Variants in ATOSA observed in about 807,000 individuals in gnomAD.
ATOSA encodes the protein atos homolog A.
chr15:52,604,139 T>C, the ATOSA span, among the ~76,000 whole-genome samples: 2 of 152,320 alleles, frequency 1.3e-5, no homozygotes, highest in East Asian at 1.9e-4. Flanking sequence ...TGAAAAAACA[T>C]GGCCGGGCGC....
At chr15:52,582,430 T>C in the ATOSA span, 1 of 747,952 alleles carries the variant, frequency 1.3e-6, no homozygotes, top group African/African-American at 1.9e-5. Context: ...CACTAACTCT[T>C]TAACATGATA....
At chr15:52,599,439 G>A in the ATOSA span, among the ~76,000 whole-genome samples, 28 of 151,968 alleles carry the variant, frequency 1.8e-4, 1 homozygote, top group Admixed American at 1.8e-3. Context: ...TAAAGCAAAT[G>A]GTTAATATAT....
chr15:52,635,321 T>C, the ATOSA span, among the ~76,000 whole-genome samples: 1 of 152,214 alleles, frequency 6.6e-6, no homozygotes, highest in Non-Finnish European at 1.5e-5. Flanking sequence ...AAGCAGAATG[T>C]AGATCCTTAC....
chr15:52,672,155 A>G, the ATOSA span, among the ~76,000 whole-genome samples: 2 of 99,634 alleles, frequency 2.0e-5, no homozygotes, highest in African/African-American at 7.2e-5. Flanking sequence ...TGGGCAACAT[A>G]GTGAGACCCC....
the ATOSA span, among the ~76,000 whole-genome samples, chr15:52,601,517 C>T: frequency 7.1e-6 from 1 of 141,386 alleles, no homozygotes; most frequent in Non-Finnish European, 1.5e-5. Context: ...GAAACACTTC[C>T]AACTTAAAAA....
At chr15:52,652,145 ACAGCTT>A in the ATOSA span, 1 of 1,152,340 alleles carries the variant, frequency 8.7e-7, no homozygotes, top group Non-Finnish European at 1.1e-6. Context: ...TAGGTCCACT[ACAGCTT>A]CCTGTCTACT....
chr15:52,619,325 A>G, the ATOSA span, among the ~76,000 whole-genome samples: 1 of 152,230 alleles, frequency 6.6e-6, no homozygotes, highest in Non-Finnish European at 1.5e-5. Flanking sequence ...TAAACACAAC[A>G]GCAAAGTTTA....
the ATOSA span, among the ~76,000 whole-genome samples, chr15:52,655,447 C>T: frequency 6.6e-6 from 1 of 152,128 alleles, no homozygotes; most frequent in Non-Finnish European, 1.5e-5. Context: ...TTCACTACTT[C>T]ATGATCACAG....
At chr15:52,611,714 T>C in the ATOSA span, 4 of 1,613,928 alleles carry the variant, frequency 2.5e-6, no homozygotes, top group African/African-American at 1.3e-5. Context: ...ATTTCCACCA[T>C]GATTGGAAGG....
chr15:52,683,809 TC>T, the ATOSA span, among the ~76,000 whole-genome samples: 1 of 152,214 alleles, frequency 6.6e-6, no homozygotes, highest in South Asian at 2.1e-4. Context: ...TCTCTTAGTT[TC>T]ATTTTCCACC....
chr15:52,675,330 A>G, the ATOSA span, among the ~76,000 whole-genome samples: 5 of 152,164 alleles, frequency 3.3e-5, no homozygotes, highest in African/African-American at 1.2e-4. Context: ...TGTAGGGAGC[A>G]GAATTGACCA....
At chr15:52,690,060 A>T in the ATOSA span, among the ~76,000 whole-genome samples, 1 of 152,212 alleles carries the variant, frequency 6.6e-6, no homozygotes, top group Non-Finnish European at 1.5e-5. Flanking sequence ...TCTTTCCAAT[A>T]AACAAGTTTG....
At chr15:52,662,559 A>G in the ATOSA span, among the ~76,000 whole-genome samples, 7 of 152,136 alleles carry the variant, frequency 4.6e-5, no homozygotes, top group Non-Finnish European at 8.8e-5. Flanking sequence ...TCACAAGGTC[A>G]GGAGATCGAG....
At chr15:52,703,598 C>T in the ATOSA span, among the ~76,000 whole-genome samples, 1 of 151,896 alleles carries the variant, frequency 6.6e-6, no homozygotes, top group Non-Finnish European at 1.5e-5. Context: ...AAAGATATAC[C>T]TCCAAACATC....
chr15:52,594,178 C>T, the ATOSA span, among the ~76,000 whole-genome samples: 4 of 152,114 alleles, frequency 2.6e-5, 1 homozygote, highest in African/African-American at 9.7e-5. Context: ...TATGGAAGTT[C>T]CATCAAAAGA....
the ATOSA span, chr15:52,609,620 G>C: frequency 1.9e-6 from 3 of 1,612,764 alleles, no homozygotes; most frequent in Admixed American, 3.3e-5. Flanking sequence ...CTAAACTCTG[G>C]ACTACCAAAA....
the ATOSA span, among the ~76,000 whole-genome samples, chr15:52,633,808 T>C: frequency 2.0e-5 from 3 of 152,088 alleles, no homozygotes; most frequent in Admixed American, 6.6e-5. Flanking sequence ...CACAAAATCA[T>C]ATAGGTAAAT....
At chr15:52,622,760 G>A in the ATOSA span, among the ~76,000 whole-genome samples, 2 of 151,922 alleles carry the variant, frequency 1.3e-5, no homozygotes, top group African/African-American at 2.4e-5. Flanking sequence ...GGAACGAATG[G>A]GTCAAATCCC....
chr15:52,704,051 C>T, the ATOSA span, among the ~76,000 whole-genome samples: 7 of 152,036 alleles, frequency 4.6e-5, no homozygotes, highest in African/African-American at 1.7e-4. Flanking sequence ...AGAAAACATA[C>T]ATAGATTCAT....
Sources: gnomAD v4.1 joint callset for allele counts (sites outside exome capture counted in the v4.1 genomes callset) on GRCh38, gnomAD v4.1.1 for gene constraint, MANE v1.5 for transcripts, NCBI Gene and HGNC (gene_info 2026-07-23, HGNC 2026-07-21) for gene names.